TCEA1: variants seen among roughly 807,000 people sequenced by gnomAD.
The protein encoded by TCEA1 is transcription elongation factor A protein 1.
A neutral mutation model predicts 43.8 loss-of-function variants in TCEA1; 21 were observed. The ratio of observed to expected loss-of-function variants is 0.48; its 90% CI spans 0.34 to 0.69. The LOEUF is 0.69. TCEA1 is among the 30% of genes least tolerant of loss of function. The pLI, the probability that TCEA1 is intolerant of heterozygous loss-of-function variation, is 0.01. For missense variants in TCEA1, 250 were observed against 365.1 expected (o/e 0.68, Z 2.57); for synonymous variants, 104 against 117.5 (o/e 0.88, Z 0.75).
intron 8 of TCEA1, among the ~76,000 whole-genome samples, chr8:53,977,596 C>T (rs1168275967): frequency 1.3e-5 from 2 of 151,960 alleles, no homozygotes; most frequent in Admixed American, 1.3e-4. Flanking sequence ...AAATCAATTC[C>T]CCAAATCTAC....
At chr8:53,983,368 A>G (rs1803578721) in intron 7 of TCEA1, among the ~76,000 whole-genome samples, 1 of 152,198 alleles carries the variant, frequency 6.6e-6, no homozygotes. Flanking sequence ...AGAAAAATTC[A>G]CTCTCTTCAA....
chr8:53,984,528 G>C lies in TCEA1; in HGVS notation c.524-11C>G. 6.5e-7 allele frequency: 1 copy of C among 1,534,908 alleles called. No homozygotes were observed. The highest frequency in any genetic ancestry group is 8.7e-7 in the Non-Finnish European group (1 of 1,144,996). ...TTTCTTGATATATAGGTACCAGGCC[G>C]TTAAGGAAAAAAGGCAAAATTACAA... On this transcript the variant is annotated splice_polypyrimidine_tract_variant and intron_variant, in intron 6 of 9. Transcript: ENST00000521604.
At position 54,013,680 on chromosome 8, in the gene TCEA1, C is replaced by CAA. The variant is rs5891511; in HGVS notation, c.64-3190_64-3189dup. 7.0e-3 allele frequency among the ~76,000 whole-genome samples: 455 copies of CAA among 65,186 alleles called. 6 individuals carry two copies. The highest frequency in any genetic ancestry group is 0.041 in the Middle Eastern group (3 of 74). 42.8% of individuals were successfully genotyped at this position (65,186 alleles called of 152,430 possible). A position where few individuals can be genotyped will look rare whatever the true frequency, so the allele number is the denominator to read the frequency against. ...TGGACGATAGAGCAAAACTCCATCT[C>CAA]AAAAAAAAAAAAAAAAAAAAAACAA... On this transcript the variant is annotated intron_variant, in intron 1 of 9. Coordinates refer to ENST00000521604, the MANE Select transcript of TCEA1 (RefSeq NM_006756.4).
At chr8:53,972,652 A>C in intron 8 of TCEA1, 1 of 616,808 alleles carries the variant, frequency 1.6e-6, no homozygotes. Flanking sequence ...AAGGAAGAGC[A>C]AGTTTGAGGA....
intron 5 of TCEA1, among the ~76,000 whole-genome samples, chr8:53,987,834 T>G (rs75289176): frequency 0.016 from 2,391 of 152,252 alleles, 33 homozygotes; most frequent in Admixed American, 0.027. Flanking sequence ...AACAAAAGAT[T>G]TGTGAGAAAA....
At position 53,997,715 on chromosome 8, in the gene TCEA1, A is replaced by G. The variant is rs147380639; in HGVS notation, c.232+2230T>C. 1.3e-3 allele frequency among the ~76,000 whole-genome samples: 192 copies of G among 152,370 alleles called. No homozygotes were observed. The Middle Eastern group carries it at 0.014, about 11-fold the overall frequency. On this transcript the variant is annotated intron_variant, in intron 3 of 9. Coordinates refer to ENST00000521604, the MANE Select transcript of TCEA1 (RefSeq NM_006756.4). ...AGAGTCCAAGACCAGCCTTAGCAAC[A>G]TAGTGAGACTCTGTCTCAAATTAGT...
At chr8:53,968,182 G>T in intron 9 of TCEA1, 70 bp from the exon 10 acceptor site, 1 of 1,162,108 alleles carries the variant, frequency 8.6e-7, no homozygotes, top group Non-Finnish European at 1.2e-6. Context: ...ATTTAATACA[G>T]CATACACCTG....
At chr8:54,000,324 A>G (rs58296372) in intron 2 of TCEA1, among the ~76,000 whole-genome samples, 1,789 of 152,342 alleles carry the variant, frequency 0.012, 35 homozygotes, top group East Asian at 0.081. Context: ...CAATCTTTCC[A>G]CAAGGGAGAA....
intron 3 of TCEA1, among the ~76,000 whole-genome samples, chr8:53,996,903 C>CGTTTTTTTTTTTT (rs1804072249): frequency 6.9e-5 from 8 of 116,622 alleles, no homozygotes; most frequent in African/African-American, 3.0e-4. Flanking sequence ...AGAAGGTTGT[C>CGTTTTTTTTTTTT]TTTTTTTTTT....
At chr8:53,983,560 G>A (rs1803585006) in intron 7 of TCEA1, among the ~76,000 whole-genome samples, 1 of 151,998 alleles carries the variant, frequency 6.6e-6, no homozygotes, top group South Asian at 2.1e-4. Flanking sequence ...TACAGGAGCA[G>A]GAGAATCTGA....
intron 1 of TCEA1, 98 bp from the exon 2 acceptor site, chr8:54,010,590 G>A (rs2129312472): frequency 2.1e-6 from 2 of 944,464 alleles, no homozygotes; most frequent in South Asian, 3.3e-5. Flanking sequence ...AACAGCTAAA[G>A]AGGAATAAAA....
At chr8:54,012,962 CAAAAAA>C (rs72062714) in intron 1 of TCEA1, among the ~76,000 whole-genome samples, 1 of 76,972 alleles carries the variant, frequency 1.3e-5, no homozygotes, top group African/African-American at 4.2e-5. Context: ...ACGACGACGA[CAAAAAA>C]AAAAAAAAAA....
At position 53,988,245 on chromosome 8, in the gene TCEA1, T is replaced by C. The variant is rs751076267; in HGVS notation, c.335A>G (p.Asn112Ser). 7.1e-5 allele frequency: 115 copies of C among 1,613,214 alleles called. 1 individual carries two copies. In the South Asian group the frequency reaches 8.7e-4, roughly 12 times the overall value. ...EAREESTSSG[N>S]VSNRKDETNA... is the part of the protein sequence containing the mutation. ...TGTCTCATCCTTTCTGTTGCTTACA[T>C]TGCCGCTGGAAGTACTGAAATACGC... Residue 112 changes from asparagine to serine, a missense_variant, in exon 5 of 10, where the codon AAT (asparagine) becomes AGT (serine). Physicochemically the swap from Asn to Ser is conservative, Grantham distance 46. Around this residue, in one of 4 missense-constraint regions of TCEA1, gnomAD observed 147 missense variants for 160.3 expected, o/e 0.92. Transcript: ENST00000521604.
rs1482177468 is a variant in TCEA1 at position 53,967,237 on chromosome 8, T to C, written c.*867A>G. On this transcript the variant is annotated 3_prime_UTR_variant, in exon 10 of 10. Coordinates refer to ENST00000521604, the MANE Select transcript of TCEA1 (RefSeq NM_006756.4). ...AAATCTAGTCATGAACTGTTTACAA[T>C]AGCTATACTACACTAAGATGCTAAA... 4.9e-6 allele frequency: 1 copy of C among 202,316 alleles called. No individual in the cohort carries two copies. The highest frequency in any genetic ancestry group is 2.3e-5 in the African/African-American group (1 of 43,700). 12.5% of individuals were successfully genotyped at this position (202,316 alleles called of 1,614,324 possible).
chr8:53,991,856 AAT>A (rs1410091637), intron 4 of TCEA1, among the ~76,000 whole-genome samples: 1 of 151,214 alleles, frequency 6.6e-6, no homozygotes, highest in African/African-American at 2.4e-5. Flanking sequence ...TACCTCTTTT[AAT>A]ATAGTTAATA....
chr8:53,977,069 C>T (rs1803354910), intron 8 of TCEA1, among the ~76,000 whole-genome samples: 2 of 152,218 alleles, frequency 1.3e-5, no homozygotes, highest in South Asian at 2.1e-4. Flanking sequence ...CCTGTAATCC[C>T]AGCACTTTGG....
intron 7 of TCEA1, among the ~76,000 whole-genome samples, chr8:53,983,700 G>A (rs941210861): frequency 6.6e-6 from 1 of 151,936 alleles, no homozygotes; most frequent in Non-Finnish European, 1.5e-5. Flanking sequence ...AATATGATGT[G>A]ACCAATTTTA....
At chr8:53,987,819 G>T (rs982717063) in intron 5 of TCEA1, among the ~76,000 whole-genome samples, 95 of 152,226 alleles carry the variant, frequency 6.2e-4, no homozygotes, top group African/African-American at 2.2e-3. Context: ...ATTAAATTGT[G>T]GGGAAACAAA....
intron 1 of TCEA1, among the ~76,000 whole-genome samples, chr8:54,020,409 A>G (rs551225640): frequency 6.6e-6 from 1 of 152,340 alleles, no homozygotes; most frequent in South Asian, 2.1e-4. Context: ...AACAGGAAAT[A>G]CTTTAAAAGG....
Sources: gnomAD v4.1 joint callset for allele counts (sites outside exome capture counted in the v4.1 genomes callset) on GRCh38, gnomAD v4.1.1 for gene constraint, gnomAD v4.1.1 regional missense constraint, MANE v1.5 for transcripts, NCBI Gene and HGNC (gene_info 2026-07-23, HGNC 2026-07-21) for gene names.